The following EIF4E2 variants were observed in gnomAD, a reference collection of about 807,000 sequenced individuals.
The protein encoded by EIF4E2 is eukaryotic translation initiation factor 4E family member 2, also known as eukaryotic translation initiation factor 4E type 2.
EIF4E2 carries 13 observed loss-of-function variants against 34.2 expected under a neutral mutation model. The observed-to-expected ratio is 0.38, with a 90% CI of 0.25 to 0.60. The LOEUF (loss-of-function observed/expected upper bound fraction) is 0.60. Among genes scored for constraint, EIF4E2 ranks in the 20% least tolerant of loss-of-function variants. The pLI is 0.62. For synonymous variants in EIF4E2, 100 were observed against 106.6 expected, an observed-to-expected ratio of 0.94 and a Z score of 0.38; for missense variants, 222 against 315.1, an observed-to-expected ratio of 0.70 and a Z score of 2.24.
At chr2:232,553,374 T>C (rs1692412822) in intron 1 of EIF4E2, among the ~76,000 whole-genome samples, 2 of 152,088 alleles carry the variant, frequency 1.3e-5, no homozygotes, top group Non-Finnish European at 2.9e-5. Flanking sequence ...AAACCACTTA[T>C]TTGGCACTCA....
In EIF4E2 at chr2:232,581,023, C is replaced by T. The variant is rs780977877; in HGVS notation, c.*80C>T. On this transcript the variant is annotated 3_prime_UTR_variant, in exon 7 of 7. Coordinates refer to the EIF4E2 transcript ENST00000409098. The surrounding 1 kb of genome is among the most constrained non-coding windows in gnomAD (Gnocchi z 5.2). ...GATGGGAGGCCTCCAGCCAGTCCTT[C>T]CATTGCTCACTGAAGGGACGTCCCT... 16 of 1,390,982 alleles carry T rather than the reference C, an allele frequency of 1.2e-5. No homozygotes were observed. The South Asian group carries it at 2.0e-4, about 17-fold the overall frequency. 86.2% of individuals were successfully genotyped at this position (1,390,982 alleles called of 1,614,324 possible).
rs576234169 is a variant in EIF4E2, at chr2:232,566,690, C to T, written c.376-139C>T. Reference sequence around the variant, plus strand: ...TTTCTTCTCTCCCTAGTCCTACCATCAGTTTTTCTATAGAGTTGAATAATT... The same window carrying T: ...TTTCTTCTCTCCCTAGTCCTACCATTAGTTTTTCTATAGAGTTGAATAATT... On this transcript the variant is annotated intron_variant, in intron 4 of 6. Coordinates refer to ENST00000258416, the MANE Select transcript of EIF4E2 (RefSeq NM_004846.4). This position sits in a 1 kb window ranked among gnomAD's most constrained non-coding sequence, Gnocchi z 4.9. The T allele has an allele frequency of 6.9e-5, 65 of 942,588 alleles. No individual in the cohort carries two copies. In the African/African-American group the frequency reaches 9.5e-4, roughly 14 times the overall value. The allele number at this position is 942,588 out of a possible 1,614,324, so 58.4% of individuals were successfully genotyped here. A position where few individuals can be genotyped will look rare whatever the true frequency, so the allele number is the denominator to read the frequency against.
chr2:232,576,627 AG>A (rs1574678815), intron 6 of EIF4E2, among the ~76,000 whole-genome samples: 2 of 152,196 alleles, frequency 1.3e-5, no homozygotes, highest in Admixed American at 6.5e-5. Flanking sequence ...TTCTGAAAGT[AG>A]GGGGGAAAAA....
At chr2:232,567,567 C>G (rs926867692) in intron 6 of EIF4E2, 14 of 1,217,658 alleles carry the variant, frequency 1.1e-5, no homozygotes, top group Non-Finnish European at 1.4e-5. Context: ...ATAATTTCAC[C>G]CTGCCCACCC....
chr2:232,554,232 T>C (rs1392962231), intron 1 of EIF4E2, among the ~76,000 whole-genome samples: 1 of 152,190 alleles, frequency 6.6e-6, no homozygotes, highest in Non-Finnish European at 1.5e-5. Flanking sequence ...TGGCCCTCAA[T>C]CTGAGTCCTG....
At position 232,566,627 on chromosome 2, in the gene EIF4E2, T is replaced by C. The variant is rs1692942587; in HGVS notation, c.376-202T>C. Among the ~76,000 whole-genome samples the C allele has an allele frequency of 6.6e-6, 1 of 152,270 alleles. No homozygotes were observed. Among genetic ancestry groups the C allele is most frequent in the South Asian group, 2.1e-4 (1 of 4,834 alleles). On this transcript the variant is annotated intron_variant, in intron 4 of 6. Coordinates refer to ENST00000258416, the MANE Select transcript of EIF4E2 (RefSeq NM_004846.4). The surrounding 1 kb of genome is among the most constrained non-coding windows in gnomAD (Gnocchi z 4.9). ...TTTAGCCATTTTAATAAATGGCTTA[T>C]GCCAAGGATCCCAGCCTTGTTTTTC...
At position 232,566,781 on chromosome 2, in the gene EIF4E2, A is replaced by G; in HGVS notation, c.376-48A>G. ...CTTTTTACTGCCTTCATACAAAAAA[A>G]GGCTGTGAAACCATATTTTAACTTC... On this transcript the variant is annotated intron_variant, in intron 4 of 6. Coordinates refer to ENST00000258416, the MANE Select transcript of EIF4E2 (RefSeq NM_004846.4). The surrounding 1 kb of genome is among the most constrained non-coding windows in gnomAD (Gnocchi z 4.9). The G allele has an allele frequency of 3.7e-6, 6 of 1,607,230 alleles. No individual in the cohort carries two copies. The highest frequency in any genetic ancestry group is 3.4e-6 in the Non-Finnish European group (4 of 1,177,302).
chr2:232,573,362 G>A (rs1693135450), downstream of EIF4E2, among the ~76,000 whole-genome samples: 1 of 152,142 alleles, frequency 6.6e-6, no homozygotes, highest in African/African-American at 2.4e-5. Context: ...AGACTTAGAA[G>A]CACCATATTT....
intron 1 of EIF4E2, chr2:232,551,321 C>T: frequency 2.1e-6 from 1 of 470,506 alleles, no homozygotes; most frequent in Non-Finnish European, 4.4e-6. Flanking sequence ...TTCCCGTCTT[C>T]CAACACACTC....
At chr2:232,576,774 G>A (rs144067243) in intron 6 of EIF4E2, among the ~76,000 whole-genome samples, 21 of 152,286 alleles carry the variant, frequency 1.4e-4, no homozygotes, top group Non-Finnish European at 2.9e-4. Flanking sequence ...TGCATCCCTG[G>A]CTTACGTTTG....
chr2:232,563,363 C>T (rs1692789989), intron 3 of EIF4E2, among the ~76,000 whole-genome samples: 1 of 151,122 alleles, frequency 6.6e-6, no homozygotes, highest in Admixed American at 6.6e-5. Flanking sequence ...TATGATCATA[C>T]TGCTGCGTAG....
intron 6 of EIF4E2, chr2:232,568,190 T>C: frequency 1.0e-6 from 1 of 985,406 alleles, no homozygotes; most frequent in Non-Finnish European, 1.2e-6. Flanking sequence ...CATGTTGTTA[T>C]TATTGAAGGC....
chr2:232,583,367 G>A (rs961927693), exon 7 of EIF4E2: 13 of 153,512 alleles, frequency 8.5e-5, no homozygotes, highest in African/African-American at 2.7e-4. Context: ...GCCCTTTACT[G>A]GGTTTTCTGT....
chr2:232,574,110 A>G (rs1165642414), downstream of EIF4E2: 2 of 798,430 alleles, frequency 2.5e-6, no homozygotes, highest in Non-Finnish European at 4.3e-6. Context: ...AGGAAAGTCC[A>G]GTGGGACCTC....
In EIF4E2 at chr2:232,581,206, T is replaced by C. The variant is rs2106259710; in HGVS notation, c.*263T>C. The C allele has an allele frequency of 2.8e-5, 16 of 578,600 alleles. No homozygotes were observed. Among genetic ancestry groups the C allele is most frequent in the South Asian group, 2.6e-4 (16 of 60,378 alleles). 35.8% of individuals were successfully genotyped at this position (578,600 alleles called of 1,614,324 possible). A position where few individuals can be genotyped will look rare whatever the true frequency, so the allele number is the denominator to read the frequency against. ...GGGTTCCATGGGGGGGCGTTCAGCC[T>C]TTCTGTTTGCTGTGTGCTGTCCAGA... On this transcript the variant is annotated 3_prime_UTR_variant, in exon 7 of 7. Coordinates refer to the EIF4E2 transcript ENST00000409098. The surrounding 1 kb of genome is among the most constrained non-coding windows in gnomAD (Gnocchi z 5.2).
Position 232,569,100 on chromosome 2 carries a change from C to T in EIF4E2, c.*83C>T. Reference sequence around the variant, plus strand: ...TCTGTTGGCGTGCTACCTGGAAGATCCTTCTGTCCTGGACAAGAGGAATTG... The same window carrying T: ...TCTGTTGGCGTGCTACCTGGAAGATTCTTCTGTCCTGGACAAGAGGAATTG... On this transcript the variant is annotated 3_prime_UTR_variant, in exon 7 of 7. Transcript: ENST00000258416. 1 of 1,570,092 alleles carries T rather than the reference C, an allele frequency of 6.4e-7. No homozygotes were observed. Among genetic ancestry groups the T allele is most frequent in the Non-Finnish European group, 8.6e-7 (1 of 1,156,210 alleles).
intron 1 of EIF4E2, 74 bp downstream of exon 1, chr2:232,550,818 G>C: frequency 7.1e-7 from 1 of 1,411,004 alleles, no homozygotes; most frequent in Non-Finnish European, 9.5e-7. Context: ...CTGGGGCTGG[G>C]GCGGCGCAAA....
chr2:232,557,109 G>C (rs1341693670), intron 2 of EIF4E2, among the ~76,000 whole-genome samples: 2 of 152,218 alleles, frequency 1.3e-5, no homozygotes, highest in Non-Finnish European at 1.5e-5. Flanking sequence ...GCTGGATGCT[G>C]TGGCGCGTGC....
At chr2:232,580,945 A>C (rs1305799249) in exon 7 of EIF4E2, 1 of 1,550,356 alleles carries the variant, frequency 6.5e-7, no homozygotes, top group Admixed American at 2.0e-5. Flanking sequence ...ACATTGTGAG[A>C]GTACACAAGC....
Sources: allele counts gnomAD v4.1 joint callset (sites outside exome capture counted in the v4.1 genomes callset), GRCh38; gene constraint gnomAD v4.1.1; non-coding constraint Gnocchi (gnomAD v3.1); transcripts MANE v1.5; gene names NCBI Gene and HGNC (gene_info 2026-07-23, HGNC 2026-07-21).